THRB: variants seen among roughly 807,000 people sequenced by gnomAD.
THRB encodes thyroid hormone receptor beta.
THRB carries 12 observed loss-of-function variants against 47.8 expected under a neutral mutation model. The ratio of observed to expected loss-of-function variants is 0.25; its 90% CI spans 0.16 to 0.41. THRB has a LOEUF of 0.41. Ranked by LOEUF, THRB falls within the 10% of genes least tolerant of loss-of-function variation. The pLI is 1.00. For missense variants in THRB, 348 were observed against 589.2 expected (o/e 0.59, Z 4.24); for synonymous variants, 218 against 212.2 (o/e 1.03, Z -0.24).
chr3:24,368,749 A>C (rs2064680808), intron 1 of THRB, among the ~76,000 whole-genome samples: 1 of 152,172 alleles, frequency 6.6e-6, no homozygotes, highest in Admixed American at 6.6e-5. Context: ...CAGAAAGAAT[A>C]GGAAATTTAT....
intron 1 of THRB, among the ~76,000 whole-genome samples, chr3:24,396,453 T>C (rs901242276): frequency 1.3e-5 from 2 of 152,148 alleles, no homozygotes; most frequent in Non-Finnish European, 2.9e-5. Flanking sequence ...CTGCCTAGTG[T>C]TTCAATAGAT....
chr3:24,254,970 G>T (rs1210340018), intron 3 of THRB, among the ~76,000 whole-genome samples: 1 of 152,156 alleles, frequency 6.6e-6, no homozygotes, highest in Non-Finnish European at 1.5e-5. Flanking sequence ...TTGCATTTCA[G>T]AAATATTTGT....
intron 4 of THRB, among the ~76,000 whole-genome samples, chr3:24,226,024 G>A (rs1484092840): frequency 6.6e-6 from 1 of 152,092 alleles, no homozygotes; most frequent in Non-Finnish European, 1.5e-5. Context: ...TTAGTGCAAA[G>A]TACATAAATT....
chr3:24,490,609 G>A (rs1697992774), intron 1 of THRB, among the ~76,000 whole-genome samples: 1 of 152,152 alleles, frequency 6.6e-6, no homozygotes, highest in Non-Finnish European at 1.5e-5. Flanking sequence ...GGTGATAAGA[G>A]CTATATAGAC....
At chr3:24,330,101 C>T (rs2061822826) in intron 2 of THRB, among the ~76,000 whole-genome samples, 1 of 151,922 alleles carries the variant, frequency 6.6e-6, no homozygotes, top group Non-Finnish European at 1.5e-5. Flanking sequence ...GTCAGGAGAT[C>T]GAGACCATCC....
At chr3:24,231,425 T>G (rs1307417008) in intron 3 of THRB, among the ~76,000 whole-genome samples, 3 of 152,136 alleles carry the variant, frequency 2.0e-5, no homozygotes, top group Admixed American at 6.5e-5. Context: ...TTAAAAATAG[T>G]GTTATCACCA....
At chr3:24,436,412 T>C (rs2070959301) in intron 1 of THRB, among the ~76,000 whole-genome samples, 1 of 152,084 alleles carries the variant, frequency 6.6e-6, no homozygotes, top group South Asian at 2.1e-4. Flanking sequence ...ATGCACGACT[T>C]GATCATGAAA....
In THRB at chr3:24,254,155, A is replaced by G. The variant is rs542132855; in HGVS notation, c.-42-25154T>C. On this transcript the variant is annotated intron_variant, in intron 3 of 10. Coordinates refer to ENST00000646209, the MANE Select transcript of THRB (RefSeq NM_001354712.2). ...GAGACAGGTGGATCACGAGGTCAGG[A>G]GATCGAGACCATCCTGGCTAACACA... Among the ~76,000 whole-genome samples, 14 of 133,910 alleles carry G rather than the reference A, an allele frequency of 1.0e-4. No homozygotes were observed. In the East Asian group the frequency reaches 2.8e-3, roughly 27 times the overall value. The allele number at this position is 133,910 out of a possible 152,430, so 87.9% of individuals were successfully genotyped here.
At chr3:24,277,470 G>T (rs1185725630) in intron 3 of THRB, among the ~76,000 whole-genome samples, 5 of 152,186 alleles carry the variant, frequency 3.3e-5, no homozygotes, top group Non-Finnish European at 7.3e-5. Flanking sequence ...TTTTGATTCA[G>T]TGAGTCTGGA....
intron 5 of THRB, among the ~76,000 whole-genome samples, chr3:24,188,941 G>T (rs1379111093): frequency 7.0e-6 from 1 of 143,340 alleles, no homozygotes; most frequent in Non-Finnish European, 1.5e-5. Context: ...AGTTTTGACT[G>T]CACTCAAATC....
At chr3:24,264,358 A>G (rs1464226225) in intron 3 of THRB, among the ~76,000 whole-genome samples, 1 of 152,182 alleles carries the variant, frequency 6.6e-6, no homozygotes, top group Non-Finnish European at 1.5e-5. Flanking sequence ...GGTGCTTAAA[A>G]AAATAACTGT....
At chr3:24,354,094 G>A (rs1285878710) in intron 1 of THRB, among the ~76,000 whole-genome samples, 2 of 152,086 alleles carry the variant, frequency 1.3e-5, no homozygotes, top group African/African-American at 4.8e-5. Flanking sequence ...TGAACAGTGA[G>A]GCCATTATCC....
intron 2 of THRB, among the ~76,000 whole-genome samples, chr3:24,303,671 A>T (rs915791457): frequency 6.6e-6 from 1 of 152,210 alleles, no homozygotes; most frequent in South Asian, 2.1e-4. Context: ...TAATTGATAC[A>T]TTCTCTTACG....
At chr3:24,178,973 A>G (rs1309546731) in intron 5 of THRB, among the ~76,000 whole-genome samples, 1 of 152,248 alleles carries the variant, frequency 6.6e-6, no homozygotes, top group African/African-American at 2.4e-5. Context: ...TTTGTCCATT[A>G]TACTCTAATA....
intron 4 of THRB, among the ~76,000 whole-genome samples, chr3:24,214,180 G>T (rs1051785750): frequency 6.6e-6 from 1 of 152,206 alleles, no homozygotes; most frequent in Admixed American, 6.5e-5. Context: ...ATGTGACAAA[G>T]CCTGTGCCTT....
intron 1 of THRB, among the ~76,000 whole-genome samples, chr3:24,470,775 C>A (rs2074504487): frequency 6.6e-6 from 1 of 152,164 alleles, no homozygotes; most frequent in Non-Finnish European, 1.5e-5. Context: ...TGCCACCATG[C>A]CCGGCTAATT....
intron 4 of THRB, among the ~76,000 whole-genome samples, chr3:24,202,698 T>C (rs887962843): frequency 4.6e-5 from 7 of 152,216 alleles, no homozygotes; most frequent in African/African-American, 1.4e-4. Flanking sequence ...CTATGTGCCA[T>C]TTCATTTACT....
chr3:24,385,064 AG>A (rs2149891815), intron 1 of THRB, among the ~76,000 whole-genome samples: 1 of 152,280 alleles, frequency 6.6e-6, no homozygotes, highest in Non-Finnish European at 1.5e-5. Context: ...TCTGCATTGA[AG>A]AAAGTATTTT....
chr3:24,291,035 G>C (rs1224764873), intron 3 of THRB, among the ~76,000 whole-genome samples: 1 of 152,064 alleles, frequency 6.6e-6, no homozygotes, highest in East Asian at 1.9e-4. Context: ...AACACTAATT[G>C]ATCCCCTCCA....
Sources: gnomAD v4.1 joint callset for allele counts (sites outside exome capture counted in the v4.1 genomes callset) on GRCh38, gnomAD v4.1.1 for gene constraint, MANE v1.5 for transcripts, NCBI Gene and HGNC (gene_info 2026-07-23, HGNC 2026-07-21) for gene names.